Variants in PHYHIPL observed in about 807,000 individuals in gnomAD.
PHYHIPL encodes the protein phytanoyl-CoA hydroxylase-interacting protein-like.
PHYHIPL carries 9 observed loss-of-function variants against 33.4 expected under a neutral mutation model. The ratio of observed to expected loss-of-function variants is 0.27; its 90% CI spans 0.16 to 0.47. The LOEUF is 0.47. Ranked by LOEUF, PHYHIPL falls within the 20% of genes least tolerant of loss-of-function variation. The pLI, the probability that PHYHIPL is intolerant of heterozygous loss-of-function variation, is 0.99. For missense variants in PHYHIPL, 365 were observed against 460.7 expected (o/e 0.79, Z 1.90); for synonymous variants, 153 against 154.1 (o/e 0.99, Z 0.05).
At chr10:59,235,692 A>G (rs1451716408) in intron 2 of PHYHIPL, among the ~76,000 whole-genome samples, 3 of 151,956 alleles carry the variant, frequency 2.0e-5, no homozygotes, top group African/African-American at 7.2e-5. Flanking sequence ...AATTTCAAAC[A>G]TTAAATGATG....
intron 1 of PHYHIPL, among the ~76,000 whole-genome samples, chr10:59,192,388 G>A (rs1269101461): frequency 6.6e-6 from 1 of 152,058 alleles, no homozygotes; most frequent in Non-Finnish European, 1.5e-5. Context: ...CTGAGTTTCT[G>A]ATTCCTTAGA....
chr10:59,175,648 GTT>G, upstream of PHYHIPL, among the ~76,000 whole-genome samples: 1 of 152,234 alleles, frequency 6.6e-6, no homozygotes, highest in Non-Finnish European at 1.5e-5. Flanking sequence ...TGTTTAAAAC[GTT>G]TGCACATCCA....
chr10:59,236,455 C>G, intron 2 of PHYHIPL, 28 bp from the exon 3 acceptor site: 21 of 1,343,552 alleles, frequency 1.6e-5, no homozygotes, highest in South Asian at 1.6e-5. Flanking sequence ...CCTCATTTTT[C>G]TCTCTCTCTT....
chr10:59,187,536 A>G (rs1433152174), intron 1 of PHYHIPL, among the ~76,000 whole-genome samples: 3 of 152,198 alleles, frequency 2.0e-5, no homozygotes, highest in Non-Finnish European at 4.4e-5. Flanking sequence ...TTTCAGAGGA[A>G]ATGGTACCAG....
intron 1 of PHYHIPL, among the ~76,000 whole-genome samples, chr10:59,181,171 TTGA>T (rs1485232154): frequency 3.3e-5 from 5 of 152,200 alleles, no homozygotes; most frequent in African/African-American, 1.2e-4. Context: ...TTTACCAGTG[TTGA>T]TATTAATACA....
chr10:59,175,128 A>G (rs966788109), upstream of PHYHIPL, among the ~76,000 whole-genome samples: 5 of 152,222 alleles, frequency 3.3e-5, no homozygotes, highest in African/African-American at 1.2e-4. Flanking sequence ...AAAATTCACC[A>G]GTAAGTACTT....
chr10:59,211,662 TCTAAA>T (rs1839445208), intron 1 of PHYHIPL, among the ~76,000 whole-genome samples: 2 of 6,370 alleles, frequency 3.1e-4, no homozygotes, highest in Non-Finnish European at 7.2e-4. Flanking sequence ...AGGCGGACTC[TCTAAA>T]AAAAAAAAAA....
At chr10:59,189,027 AT>A (rs1838704187) in intron 1 of PHYHIPL, among the ~76,000 whole-genome samples, 1 of 152,104 alleles carries the variant, frequency 6.6e-6, no homozygotes, top group Admixed American at 6.6e-5. Context: ...AAAGTGTCAA[AT>A]GTAGTGTGAA....
chr10:59,198,031 T>A (rs917301830), intron 1 of PHYHIPL, among the ~76,000 whole-genome samples: 7 of 152,062 alleles, frequency 4.6e-5, no homozygotes, highest in South Asian at 2.1e-4. Context: ...TTATTTTTTT[T>A]AAGTATTTCT....
At chr10:59,187,751 G>A (rs575321496) in intron 1 of PHYHIPL, among the ~76,000 whole-genome samples, 2 of 152,186 alleles carry the variant, frequency 1.3e-5, no homozygotes, top group Non-Finnish European at 2.9e-5. Context: ...GTTTATTTGA[G>A]TAGAGAGGTT....
intron 1 of PHYHIPL, among the ~76,000 whole-genome samples, chr10:59,203,053 C>T (rs1839170969): frequency 6.6e-6 from 1 of 152,040 alleles, no homozygotes; most frequent in African/African-American, 2.4e-5. Context: ...CTACAAAGAA[C>T]TAAACAAATT....
chr10:59,235,173 T>C (rs1218756031), intron 2 of PHYHIPL, among the ~76,000 whole-genome samples: 2 of 151,258 alleles, frequency 1.3e-5, no homozygotes, highest in African/African-American at 4.8e-5. Flanking sequence ...GTCTGCTGTC[T>C]TTTGCCTTTT....
At position 59,182,117 on chromosome 10, in the gene PHYHIPL, C is replaced by A. The variant is rs188189834; in HGVS notation, c.106+5158C>A. Among the ~76,000 whole-genome samples, 7 of 152,250 alleles carry A rather than the reference C, an allele frequency of 4.6e-5. 1 individual carries two copies. The East Asian group carries it at 1.4e-3, about 29-fold the overall frequency. ...GCCTCGATAATAACAGCAGCTATGT[C>A]ACTCATTGCAGCAAGCATAAATCCT... is the stretch of plus-strand genomic sequence containing the variant. On this transcript the variant is annotated intron_variant, in intron 1 of 4. Transcript: ENST00000373880.
chr10:59,178,777 G>A (rs1357138405), intron 1 of PHYHIPL, among the ~76,000 whole-genome samples: 1 of 152,122 alleles, frequency 6.6e-6, no homozygotes, highest in Non-Finnish European at 1.5e-5. Flanking sequence ...TGTATTTACT[G>A]TGATCCCCTA....
chr10:59,206,970 A>G (rs1839300662), intron 1 of PHYHIPL: 2 of 244,070 alleles, frequency 8.2e-6, no homozygotes, highest in Admixed American at 5.6e-5. Flanking sequence ...CTTTAGCAAA[A>G]CAATACAGTA....
chr10:59,197,770 A>G (rs1160044999), intron 1 of PHYHIPL, among the ~76,000 whole-genome samples: 1 of 152,064 alleles, frequency 6.6e-6, no homozygotes, highest in Admixed American at 6.6e-5. Context: ...TTTCCTTTAC[A>G]TTTGGTCTTA....
At position 59,247,444 on chromosome 10, in the gene PHYHIPL, T is replaced by A. The variant is rs963714541; in HGVS notation, c.*1853T>A. On this transcript the variant is annotated 3_prime_UTR_variant, in exon 5 of 5. Transcript: ENST00000373880. ...TGTTGTATTCTTCCCCCCGTTTAAA[T>A]CCCTTCTCCTTGTATATAATTAAAC... 5 of 763,576 alleles carry A rather than the reference T, an allele frequency of 6.5e-6. No homozygotes were observed. In the Admixed American group the frequency reaches 1.4e-4, roughly 21 times the overall value. 47.3% of individuals were successfully genotyped at this position (763,576 alleles called of 1,614,324 possible).
chr10:59,200,500 A>G (rs1839067598), intron 1 of PHYHIPL, among the ~76,000 whole-genome samples: 1 of 152,058 alleles, frequency 6.6e-6, no homozygotes, highest in African/African-American at 2.4e-5. Flanking sequence ...TTCATCAGGG[A>G]TATTGGTCTG....
chr10:59,244,562 CAAAAAAAAAAAAAAA>C (rs71006239), intron 4 of PHYHIPL, among the ~76,000 whole-genome samples: 1 of 39,556 alleles, frequency 2.5e-5, no homozygotes. Context: ...GACTCTGTCT[CAAAAAAAAAAAAAAA>C]AAAAAAAAAG....
Sources: allele counts gnomAD v4.1 joint callset (sites outside exome capture counted in the v4.1 genomes callset), GRCh38; gene constraint gnomAD v4.1.1; transcripts MANE v1.5; gene names NCBI Gene and HGNC (gene_info 2026-07-23, HGNC 2026-07-21).